Variants in ZMAT4 observed in about 807,000 individuals in gnomAD.
ZMAT4 encodes the protein zinc finger matrin-type 4.
In ZMAT4, 17 loss-of-function variants were observed where a neutral mutation model predicts 28.7. That is an observed-to-expected ratio of 0.59 (90% CI 0.41 to 0.89). The LOEUF is 0.89. Among genes scored for constraint, ZMAT4 ranks in the 40% least tolerant of loss-of-function variants. The pLI, the probability that ZMAT4 is intolerant of heterozygous loss-of-function variation, is 0.00. For synonymous variants in ZMAT4, 117 were observed against 109.2 expected (o/e 1.07, Z -0.44); for missense variants, 240 against 283.8 (o/e 0.85, Z 1.11).
chr8:40,848,862 C>T (rs949470014), intron 1 of ZMAT4, among the ~76,000 whole-genome samples: 1 of 152,202 alleles, frequency 6.6e-6, no homozygotes, highest in Non-Finnish European at 1.5e-5. Flanking sequence ...AAAAATCCGT[C>T]CATTGTGGTT....
chr8:40,661,818 T>C (rs1808209796), intron 5 of ZMAT4, among the ~76,000 whole-genome samples: 1 of 152,222 alleles, frequency 6.6e-6, no homozygotes. Flanking sequence ...ACACCCGTTC[T>C]TGAGCTTAAA....
intron 6 of ZMAT4, among the ~76,000 whole-genome samples, chr8:40,553,318 G>A (rs559860174): frequency 6.6e-6 from 1 of 152,254 alleles, no homozygotes; most frequent in East Asian, 1.9e-4. Flanking sequence ...AATATTTGTT[G>A]TTTCAAGCTA....
chr8:40,891,257 G>GAGGGGGTAGGGGGAAGGGGGA (rs1818669763), intron 1 of ZMAT4, among the ~76,000 whole-genome samples: 1 of 93,818 alleles, frequency 1.1e-5, no homozygotes, highest in Non-Finnish European at 2.4e-5. Context: ...GGGGAAGGGG[G>GAGGGGGTAGGGGGAAGGGGGA]AGGGGGGAGG....
intron 6 of ZMAT4, among the ~76,000 whole-genome samples, chr8:40,551,445 AT>A (rs1201693516): frequency 6.6e-6 from 1 of 152,162 alleles, no homozygotes; most frequent in Admixed American, 6.5e-5. Context: ...AGGCTTTAAC[AT>A]TTTGCAATTG....
intron 2 of ZMAT4, among the ~76,000 whole-genome samples, chr8:40,779,204 C>T (rs932323453): frequency 2.6e-5 from 4 of 152,148 alleles, no homozygotes; most frequent in African/African-American, 7.2e-5. Context: ...TCTTGCTTGG[C>T]TTTCATTCTC....
intron 6 of ZMAT4, among the ~76,000 whole-genome samples, chr8:40,555,880 GT>G (rs904250750): frequency 5.9e-5 from 9 of 152,066 alleles, no homozygotes; most frequent in African/African-American, 2.2e-4. Context: ...ACTGCAATTT[GT>G]TTTCTCTCCC....
chr8:40,731,085 C>T (rs971150549), intron 3 of ZMAT4, among the ~76,000 whole-genome samples: 2 of 148,282 alleles, frequency 1.3e-5, no homozygotes, highest in African/African-American at 4.9e-5. Flanking sequence ...ACCCTAATCA[C>T]TGATCACTGC....
At chr8:40,887,577 A>T (rs13275335) in intron 1 of ZMAT4, among the ~76,000 whole-genome samples, 20,572 of 152,092 alleles carry the variant, frequency 0.14, 1,511 homozygotes, top group Non-Finnish European at 0.17. Flanking sequence ...AAGTTTAAAG[A>T]AATCAGAAGT....
intron 6 of ZMAT4, among the ~76,000 whole-genome samples, chr8:40,576,023 G>A (rs1804251548): frequency 6.6e-6 from 1 of 151,364 alleles, no homozygotes; most frequent in South Asian, 2.1e-4. Context: ...AAAATAAAAA[G>A]TACCATCAAG....
At chr8:40,889,251 G>T (rs1291752799) in intron 1 of ZMAT4, among the ~76,000 whole-genome samples, 11 of 152,236 alleles carry the variant, frequency 7.2e-5, no homozygotes, top group Admixed American at 6.5e-4. Context: ...ACACCTGGCT[G>T]CAGCAGAGGT....
At position 40,674,868 on chromosome 8, in the gene ZMAT4, T is replaced by C. The variant is rs1283664113; in HGVS notation, c.413A>G (p.Tyr138Cys). The C allele has an allele frequency of 3.7e-6, 6 of 1,613,344 alleles. No individual in the cohort carries two copies. The highest frequency in any genetic ancestry group is 5.1e-6 in the Non-Finnish European group (6 of 1,179,840). ...GTATCTGTCTGAATCTCTTCTTTGA[T>C]AGGGAGATGCGACCACCGGAGCAGT... ...MDTAPVVASP[Y>C]QRRDSDRYCG... The change falls in exon 5 of 7, where the codon TAT becomes TGT. Residue 138 changes from tyrosine to cysteine, a missense_variant. Physicochemically the swap from Tyr to Cys is radical, Grantham distance 194. Coordinates refer to ENST00000297737, the MANE Select transcript of ZMAT4 (RefSeq NM_024645.3).
chr8:40,842,224 G>T (rs1447179735), intron 1 of ZMAT4, among the ~76,000 whole-genome samples: 1 of 152,174 alleles, frequency 6.6e-6, no homozygotes, highest in Non-Finnish European at 1.5e-5. Flanking sequence ...CCCACCAAGT[G>T]CACCTCTGTT....
intron 3 of ZMAT4, among the ~76,000 whole-genome samples, chr8:40,699,575 T>C (rs1010936218): frequency 1.5e-5 from 2 of 137,630 alleles, no homozygotes; most frequent in Admixed American, 7.8e-5. Flanking sequence ...CAATAGACGA[T>C]TGGATAAAGA....
chr8:40,878,897 T>C (rs1818130527), intron 1 of ZMAT4, among the ~76,000 whole-genome samples: 2 of 152,202 alleles, frequency 1.3e-5, no homozygotes. Context: ...GGGCTGCTTT[T>C]TTGTTTTAAG....
intron 5 of ZMAT4, among the ~76,000 whole-genome samples, chr8:40,655,378 TC>T (rs940153390): frequency 2.0e-5 from 3 of 151,992 alleles, no homozygotes; most frequent in African/African-American, 7.2e-5. Flanking sequence ...GCAATATTCC[TC>T]AAAATTATCT....
chr8:40,621,854 C>G (rs1430136364), intron 5 of ZMAT4, among the ~76,000 whole-genome samples: 1 of 152,144 alleles, frequency 6.6e-6, no homozygotes, highest in Non-Finnish European at 1.5e-5. Context: ...TTGTTCAAGG[C>G]AAGTTAAATC....
At chr8:40,577,219 G>C (rs975102577) in intron 6 of ZMAT4, among the ~76,000 whole-genome samples, 3 of 151,916 alleles carry the variant, frequency 2.0e-5, no homozygotes, top group African/African-American at 7.2e-5. Context: ...AAAGATGTCT[G>C]TGCTCCCATT....
rs561432967 is a variant in ZMAT4, at chr8:40,894,738, C to A, written c.-5+2945G>T. ...AGAGTGTTTCAAATCTCCAGACACA[C>A]CTTCCCCTAGGACAGGAAGGGAATT... On this transcript the variant is annotated intron_variant, in intron 1 of 6. Coordinates refer to ENST00000297737, the MANE Select transcript of ZMAT4 (RefSeq NM_024645.3). Among the ~76,000 whole-genome samples the A allele has an allele frequency of 6.6e-5, 10 of 152,014 alleles. No individual in the cohort carries two copies. The South Asian group carries it at 2.1e-3, about 32-fold the overall frequency.
rs542926270 is a variant in ZMAT4 at position 40,639,929 on chromosome 8, C to T, written c.577+34775G>A. Among the ~76,000 whole-genome samples, 178 of 152,142 alleles carry T rather than the reference C, an allele frequency of 1.2e-3. 1 individual carries two copies. In the Middle Eastern group the frequency reaches 0.014, roughly 12 times the overall value. On this transcript the variant is annotated intron_variant, in intron 5 of 6. Transcript: ENST00000297737. ...CCAAATAACTCCCTTGTCTGGTCCTCTCTCATTCTATTATATCCATCTTTC... is the reference window on the plus strand; with the variant it reads ...CCAAATAACTCCCTTGTCTGGTCCTTTCTCATTCTATTATATCCATCTTTC...
Sources: allele counts gnomAD v4.1 joint callset (sites outside exome capture counted in the v4.1 genomes callset), GRCh38; gene constraint gnomAD v4.1.1; transcripts MANE v1.5; gene names NCBI Gene and HGNC (gene_info 2026-07-23, HGNC 2026-07-21).